Variants in PEAK1 observed in about 807,000 individuals in gnomAD.
PEAK1 encodes the protein pseudopodium enriched atypical kinase 1.
A neutral mutation model predicts 124.7 loss-of-function variants in PEAK1; 54 were observed. That is an observed-to-expected ratio of 0.43 (90% confidence interval 0.35 to 0.54). The LOEUF (loss-of-function observed/expected upper bound fraction) is 0.54, where lower values mean the gene tolerates loss of function less well. Among genes scored for constraint, PEAK1 ranks in the 20% least tolerant of loss-of-function variants. The pLI, the probability that PEAK1 is intolerant of heterozygous loss-of-function variation, is 0.01. For synonymous variants in PEAK1, 719 were observed against 760.0 expected, an observed-to-expected ratio of 0.95 and a Z score of 0.89; for missense variants, 2,046 against 2,134.5, an observed-to-expected ratio of 0.96 and a Z score of 0.82.
Position 77,114,053 on chromosome 15 carries a change from G to A in PEAK1, c.*103C>T. 7.9e-7 allele frequency: 1 copy of A among 1,264,488 alleles called. No individual in the cohort carries two copies. The highest frequency in any genetic ancestry group is 1.1e-6 in the Non-Finnish European group (1 of 890,060). The allele number at this position is 1,264,488 out of a possible 1,614,324, so 78.3% of individuals were successfully genotyped here. On this transcript the variant is annotated 3_prime_UTR_variant, in exon 10 of 10. Transcript: ENST00000682557. The stretch of plus-strand genomic sequence containing the variant: ...TGTTCACGGACAGGGATAGAGGTTT[G>A]CCTTTCTTCTTTCCTTGAATTTGGA...
chr15:77,372,618 G>A (rs1323238599), intron 1 of PEAK1, among the ~76,000 whole-genome samples: 3 of 152,156 alleles, frequency 2.0e-5, no homozygotes, highest in Non-Finnish European at 4.4e-5. Context: ...ATCTAAAATA[G>A]TTTAGATATG....
chr15:77,178,709 G>T, intron 7 of PEAK1, 81 bp downstream of exon 7: 1 of 1,345,534 alleles, frequency 7.4e-7, no homozygotes, highest in Non-Finnish European at 1.0e-6. Flanking sequence ...TGGTTCTTAT[G>T]CAATCTTAAA....
chr15:77,234,653 G>A (rs2060038744), intron 6 of PEAK1, among the ~76,000 whole-genome samples: 1 of 151,968 alleles, frequency 6.6e-6, no homozygotes, highest in South Asian at 2.1e-4. Context: ...GAGAGATACT[G>A]AGATTACAGA....
chr15:77,230,897 G>A (rs1324035999), intron 6 of PEAK1, among the ~76,000 whole-genome samples: 1 of 151,900 alleles, frequency 6.6e-6, no homozygotes, highest in Non-Finnish European at 1.5e-5. Flanking sequence ...GCATAATTTG[G>A]TTTATAGCAT....
chr15:77,343,632 C>T (rs1406213395), intron 2 of PEAK1, among the ~76,000 whole-genome samples: 1 of 152,006 alleles, frequency 6.6e-6, no homozygotes, highest in Non-Finnish European at 1.5e-5. Context: ...GTTACAGGCA[C>T]ACACCACCAT....
At chr15:77,187,987 C>T (rs1054384448) in intron 6 of PEAK1, among the ~76,000 whole-genome samples, 1 of 152,144 alleles carries the variant, frequency 6.6e-6, no homozygotes, top group South Asian at 2.1e-4. Flanking sequence ...GACACCTCAA[C>T]CAGCTGCCAA....
Position 77,114,824 on chromosome 15 carries a change from C to T in PEAK1, c.4573G>A (p.Val1525Ile), listed in dbSNP as rs1329119853. The T allele has an allele frequency of 3.1e-6, 5 of 1,613,450 alleles. No individual in the cohort carries two copies. The South Asian group carries it at 4.4e-5, about 14-fold the overall frequency. ...CDLRLENLLL[V>I]HYQPGGTAQG... is the part of the protein sequence containing the mutation. The stretch of plus-strand genomic sequence containing the variant: ...GCAGTCCCCCCAGGCTGGTAGTGGA[C>T]AAGTAGCAGGTTCTCTAGGCGTAGA... The change falls in exon 10 of 10, where the codon GTC becomes ATC. Residue 1525 changes from valine to isoleucine, a missense_variant. Val to Ile is a conservative substitution (Grantham distance 29). Transcript: ENST00000682557.
intron 2 of PEAK1, among the ~76,000 whole-genome samples, chr15:77,343,573 AC>A: frequency 7.2e-6 from 1 of 139,694 alleles, no homozygotes; most frequent in Non-Finnish European, 1.5e-5. Context: ...TGCAACGTCC[AC>A]CCCCTGGGTT....
intron 9 of PEAK1, among the ~76,000 whole-genome samples, chr15:77,120,691 C>T (rs532883439): frequency 5.3e-5 from 8 of 152,336 alleles, no homozygotes; most frequent in African/African-American, 1.9e-4. Flanking sequence ...GGCTACAGAG[C>T]CATTAAAAAA....
At chr15:77,408,074 CATATATACACATATAT>C in intron 1 of PEAK1, among the ~76,000 whole-genome samples, 4 of 126,470 alleles carry the variant, frequency 3.2e-5, no homozygotes, top group African/African-American at 1.1e-4. Context: ...CACATATATA[CATATATACACATATAT>C]ACACACACAT....
chr15:77,179,693 AT>A lies in PEAK1; in HGVS notation c.2233del (p.Ile745Ter). On this transcript the variant is annotated frameshift_variant, in exon 7 of 10. Transcript: ENST00000682557. LOFTEE classifies it high-confidence loss of function. The stretch of plus-strand genomic sequence containing the variant: ...CATCTGAGACTCCTGAGTGCCTTCT[AT>A]TTTGGCCACAGGCTCTTGAGTGGCT... ...QRATQEPVAK[I>X]EGTQESQMVG... 1 of 1,613,674 alleles carries A rather than the reference AT, an allele frequency of 6.2e-7. No homozygotes were observed. The highest frequency in any genetic ancestry group is 8.5e-7 in the Non-Finnish European group (1 of 1,179,914).
chr15:77,381,380 A>G, intron 1 of PEAK1: 1 of 790,304 alleles, frequency 1.3e-6, no homozygotes, highest in Non-Finnish European at 1.5e-6. Context: ...GTGCCTGTGA[A>G]TAGCCACTGC....
chr15:77,371,158 T>G (rs749794417), intron 1 of PEAK1: 4 of 973,840 alleles, frequency 4.1e-6, no homozygotes, highest in Non-Finnish European at 4.9e-6. Flanking sequence ...GGGCTGAAAG[T>G]AAAAACTTCA....
chr15:77,234,326 T>A (rs944769157), intron 6 of PEAK1, among the ~76,000 whole-genome samples: 1 of 152,348 alleles, frequency 6.6e-6, no homozygotes, highest in African/African-American at 2.4e-5. Flanking sequence ...TTATTTATCT[T>A]TTAATGAACA....
chr15:77,143,463 A>G (rs182407895), intron 8 of PEAK1, among the ~76,000 whole-genome samples: 1 of 152,248 alleles, frequency 6.6e-6, no homozygotes, highest in Admixed American at 6.5e-5. Context: ...ATTCTGTCCT[A>G]AAGATCGTCT....
At chr15:77,203,797 A>G (rs993872647) in intron 6 of PEAK1, among the ~76,000 whole-genome samples, 1 of 152,096 alleles carries the variant, frequency 6.6e-6, no homozygotes, top group Non-Finnish European at 1.5e-5. Flanking sequence ...TGTAAAACAT[A>G]AAACAATAAA....
intron 5 of PEAK1, among the ~76,000 whole-genome samples, chr15:77,282,674 T>C (rs2062732672): frequency 6.6e-6 from 1 of 152,174 alleles, no homozygotes; most frequent in Non-Finnish European, 1.5e-5. Context: ...CTCAGTTAAA[T>C]GTCATAACTT....
In PEAK1 at chr15:77,156,455, G is replaced by A. The variant is rs192687644; in HGVS notation, c.3331+2048C>T. ...CCCTGACCCCTTGCGCTTCCCGAGT[G>A]AGGTAGTGCCTCGCCCTGCTTCAGC... On this transcript the variant is annotated intron_variant, in intron 8 of 9. Coordinates refer to ENST00000682557, the MANE Select transcript of PEAK1 (RefSeq NM_001385026.1). 16 of 153,800 alleles carry A rather than the reference G, an allele frequency of 1.0e-4. No individual in the cohort carries two copies. In the Admixed American group the frequency reaches 1.0e-3, roughly 10 times the overall value. The allele number at this position is 153,800 out of a possible 1,614,324, so 9.5% of individuals were successfully genotyped here.
intron 2 of PEAK1, among the ~76,000 whole-genome samples, chr15:77,290,662 G>A (rs974928457): frequency 2.0e-5 from 3 of 151,822 alleles, no homozygotes; most frequent in South Asian, 2.1e-4. Flanking sequence ...CAATCCTCCC[G>A]CCTCAGCCTC....
Sources: allele counts gnomAD v4.1 joint callset (sites outside exome capture counted in the v4.1 genomes callset), GRCh38; gene constraint gnomAD v4.1.1; transcripts MANE v1.5; gene names NCBI Gene and HGNC (gene_info 2026-07-23, HGNC 2026-07-21).